Variants in TRHDE observed in about 807,000 individuals in gnomAD.
TRHDE encodes the protein thyrotropin releasing hormone degrading enzyme.
Under a neutral mutation model 125.7 loss-of-function variants are expected in TRHDE, and 72 were observed. That is an observed-to-expected ratio of 0.57 (90% CI 0.47 to 0.70). The LOEUF (loss-of-function observed/expected upper bound fraction) is 0.70. Among genes scored for constraint, TRHDE ranks in the 30% least tolerant of loss-of-function variants. TRHDE has a pLI of 0.00. For synonymous variants in TRHDE, 509 were observed against 509.1 expected, an observed-to-expected ratio of 1.00 and a Z score of 0.00; for missense variants, 1,110 against 1,327.1, an observed-to-expected ratio of 0.84 and a Z score of 2.54.
chr12:72,520,842 C>A (rs138581581), intron 6 of TRHDE, among the ~76,000 whole-genome samples: 1 of 152,040 alleles, frequency 6.6e-6, no homozygotes, highest in Non-Finnish European at 1.5e-5. Flanking sequence ...CTTTTATTAC[C>A]GTATTAAAAG....
intron 6 of TRHDE, among the ~76,000 whole-genome samples, chr12:72,529,332 G>C (rs897231532): frequency 6.6e-6 from 1 of 151,922 alleles, no homozygotes; most frequent in Non-Finnish European, 1.5e-5. Context: ...AAGACCCAAA[G>C]TCAGCAGTTA....
Position 72,512,434 on chromosome 12 carries a change from A to T in TRHDE, c.1722+12799A>T, listed in dbSNP as rs1280886950. ...TATAACTATATAATATATATTATAT[A>T]ATATGTTATAATTATATAATTATAA... is the stretch of plus-strand genomic sequence containing the variant. On this transcript the variant is annotated intron_variant, in intron 6 of 18. Transcript: ENST00000261180. Among the ~76,000 whole-genome samples the T allele has an allele frequency of 3.8e-4, 41 of 106,856 alleles. 1 individual carries two copies. Among genetic ancestry groups the T allele is most frequent in the African/African-American group, 1.9e-3 (36 of 19,358 alleles). The allele number at this position is 106,856 out of a possible 152,430, so 70.1% of individuals were successfully genotyped here. A position where few individuals can be genotyped will look rare whatever the true frequency, so the allele number is the denominator to read the frequency against.
intron 3 of TRHDE, among the ~76,000 whole-genome samples, chr12:72,393,051 CTAA>C (rs1405018645): frequency 2.0e-5 from 3 of 151,856 alleles, no homozygotes; most frequent in Non-Finnish European, 4.4e-5. Flanking sequence ...TGATTGAATG[CTAA>C]TGTTTCATAT....
chr12:72,572,888 A>ATAAC (rs1481389942), intron 10 of TRHDE, among the ~76,000 whole-genome samples: 2 of 152,092 alleles, frequency 1.3e-5, no homozygotes, highest in African/African-American at 4.8e-5. Context: ...TGAACAGGAA[A>ATAAC]TAACTTTAAA....
chr12:72,386,017 G>A (rs182617005), intron 3 of TRHDE, among the ~76,000 whole-genome samples: 53 of 152,330 alleles, frequency 3.5e-4, no homozygotes, highest in African/African-American at 1.3e-3. Context: ...AGCAATGATA[G>A]TAAGTGGCCT....
chr12:72,374,991 T>C (rs1006181113), intron 2 of TRHDE, among the ~76,000 whole-genome samples: 1 of 152,104 alleles, frequency 6.6e-6, no homozygotes, highest in Non-Finnish European at 1.5e-5. Context: ...AAACCATAGC[T>C]GGAGGAACTG....
intron 2 of TRHDE, among the ~76,000 whole-genome samples, chr12:72,297,572 A>G (rs1419792044): frequency 1.3e-5 from 2 of 152,204 alleles, no homozygotes; most frequent in Non-Finnish European, 2.9e-5. Context: ...CAGGCTTCAG[A>G]TTCATGAAAA....
chr12:72,201,313 T>A (rs963493461), intron 2 of TRHDE, among the ~76,000 whole-genome samples: 12 of 152,038 alleles, frequency 7.9e-5, no homozygotes, highest in Admixed American at 2.6e-4. Flanking sequence ...TTATTATAGA[T>A]TTTTTTTGGG....
At chr12:72,281,140 T>G (rs989047180) in intron 1 of TRHDE, among the ~76,000 whole-genome samples, 1 of 152,168 alleles carries the variant, frequency 6.6e-6, no homozygotes, top group Non-Finnish European at 1.5e-5. Flanking sequence ...TACATACATA[T>G]TGCTGGCATT....
At chr12:72,159,100 T>C (rs1168414603) in intron 2 of TRHDE, among the ~76,000 whole-genome samples, 3 of 152,210 alleles carry the variant, frequency 2.0e-5, no homozygotes, top group Admixed American at 6.5e-5. Context: ...TATTTATTCA[T>C]TTATTTAATA....
intron 5 of TRHDE, among the ~76,000 whole-genome samples, chr12:72,482,511 T>G (rs2135914989): frequency 6.6e-6 from 1 of 152,038 alleles, no homozygotes; most frequent in African/African-American, 2.4e-5. Flanking sequence ...ATTAACCTAG[T>G]TACAATGGCC....
chr12:72,551,719 G>A (rs547968128), intron 7 of TRHDE, among the ~76,000 whole-genome samples: 95 of 152,126 alleles, frequency 6.2e-4, no homozygotes, highest in African/African-American at 2.0e-3. Context: ...CATGTATCAT[G>A]TAACAGGATA....
intron 2 of TRHDE, among the ~76,000 whole-genome samples, chr12:72,155,480 G>C (rs1467969622): frequency 6.6e-6 from 1 of 152,110 alleles, no homozygotes; most frequent in Non-Finnish European, 1.5e-5. Context: ...GATTTTTAGA[G>C]TTTCCGGTTT....
chr12:72,154,091 G>A (rs1481197775), intron 2 of TRHDE, among the ~76,000 whole-genome samples: 1 of 152,166 alleles, frequency 6.6e-6, no homozygotes, highest in African/African-American at 2.4e-5. Context: ...TATATTGGAT[G>A]CATATATATT....
intron 5 of TRHDE, among the ~76,000 whole-genome samples, chr12:72,484,217 T>C (rs1036785905): frequency 1.3e-5 from 2 of 152,180 alleles, no homozygotes; most frequent in East Asian, 3.9e-4. Context: ...ATGACTAATG[T>C]GCAAAATGAA....
At chr12:72,661,779 G>T (rs909162180) in intron 18 of TRHDE, among the ~76,000 whole-genome samples, 6 of 151,898 alleles carry the variant, frequency 4.0e-5, no homozygotes, top group Non-Finnish European at 7.4e-5. Context: ...TTGGTCAAAT[G>T]CCATATCAGT....
intron 12 of TRHDE, among the ~76,000 whole-genome samples, chr12:72,617,119 A>G (rs998367771): frequency 6.6e-6 from 1 of 152,142 alleles, no homozygotes; most frequent in African/African-American, 2.4e-5. Context: ...TTTCTACAAA[A>G]ATGTATAAAA....
At chr12:72,643,592 T>C (rs1234678393) in intron 15 of TRHDE, among the ~76,000 whole-genome samples, 2 of 152,192 alleles carry the variant, frequency 1.3e-5, no homozygotes, top group African/African-American at 4.8e-5. Context: ...CCATTTGTGT[T>C]AGATTCCTTC....
chr12:72,484,977 C>T (rs1458877726), intron 5 of TRHDE, among the ~76,000 whole-genome samples: 2 of 152,098 alleles, frequency 1.3e-5, no homozygotes, highest in African/African-American at 4.8e-5. Context: ...AATTCATTGC[C>T]TCCGTCACCC....
Sources: allele counts gnomAD v4.1 joint callset (sites outside exome capture counted in the v4.1 genomes callset), GRCh38; gene constraint gnomAD v4.1.1; transcripts MANE v1.5; gene names NCBI Gene and HGNC (gene_info 2026-07-23, HGNC 2026-07-21).